Variants in KCNT1 observed in about 807,000 individuals in gnomAD.
KCNT1 encodes potassium sodium-activated channel subfamily T member 1.
A neutral mutation model predicts 147.8 loss-of-function variants in KCNT1; 78 were observed. That is an observed-to-expected ratio of 0.53 (90% CI 0.44 to 0.64). The LOEUF (loss-of-function observed/expected upper bound fraction) is 0.64, where lower values mean the gene tolerates loss of function less well. Among genes scored for constraint, KCNT1 ranks in the 30% least tolerant of loss-of-function variants. KCNT1 has a pLI of 0.00. For missense variants in KCNT1, 1,419 were observed against 1,750.3 expected (o/e 0.81, Z 3.38); for synonymous variants, 867 against 748.8 (o/e 1.16, Z -2.58).
At chr9:135,760,843 C>T (rs1831867597) in intron 11 of KCNT1, among the ~76,000 whole-genome samples, 1 of 152,228 alleles carries the variant, frequency 6.6e-6, no homozygotes, top group South Asian at 2.1e-4. Flanking sequence ...CTCCACCGTC[C>T]AGTGCCACGA....
intron 2 of KCNT1, among the ~76,000 whole-genome samples, chr9:135,732,299 A>G (rs888497130): frequency 1.3e-5 from 2 of 152,034 alleles, no homozygotes; most frequent in Non-Finnish European, 2.9e-5. Flanking sequence ...GATTACAGGC[A>G]TGAGCCACCG....
At chr9:135,738,789 C>G (rs907037638) in intron 2 of KCNT1, among the ~76,000 whole-genome samples, 1 of 152,200 alleles carries the variant, frequency 6.6e-6, no homozygotes, top group Non-Finnish European at 1.5e-5. Flanking sequence ...CCCACACAGT[C>G]CAGCTCCCCT....
At chr9:135,747,266 G>A (rs1347800241) in intron 2 of KCNT1, among the ~76,000 whole-genome samples, 2 of 152,088 alleles carry the variant, frequency 1.3e-5, no homozygotes, top group African/African-American at 2.4e-5. Context: ...AGGAGAGGGT[G>A]GGAGGCAGTA....
At chr9:135,783,343 G>A (rs1358620057) in intron 24 of KCNT1, among the ~76,000 whole-genome samples, 1 of 152,230 alleles carries the variant, frequency 6.6e-6, no homozygotes, top group Admixed American at 6.5e-5. Context: ...GGAGCCACAA[G>A]CCAAGGCAGG....
At chr9:135,741,247 A>G (rs572601176) in intron 2 of KCNT1, among the ~76,000 whole-genome samples, 2 of 152,328 alleles carry the variant, frequency 1.3e-5, no homozygotes, top group African/African-American at 4.8e-5. Flanking sequence ...AGCTAGGGCT[A>G]TATCGGGAGA....
chr9:135,778,993 CCT>C (rs1201537388), intron 23 of KCNT1, among the ~76,000 whole-genome samples, 171 bp downstream of exon 23: 40 of 147,660 alleles, frequency 2.7e-4, no homozygotes, highest in Non-Finnish European at 5.4e-4. Context: ...GGGCCCTCGC[CCT>C]GAGACCCCCA....
intron 12 of KCNT1, 85 bp downstream of exon 12, chr9:135,765,280 C>A: frequency 7.5e-7 from 1 of 1,339,110 alleles, no homozygotes; most frequent in East Asian, 2.3e-5. Flanking sequence ...CTTGGCAAGT[C>A]CCTGAGTCCT....
chr9:135,755,133 G>T lies in KCNT1; in HGVS notation c.504G>T (p.Leu168=). 6.2e-7 allele frequency: 1 copy of T among 1,612,232 alleles called. No homozygotes were observed. The highest frequency in any genetic ancestry group is 8.5e-7 in the Non-Finnish European group (1 of 1,179,030). The part of the protein sequence containing the change: ...SSSEINWAPI[L]WVERKMTLWA... ...TTTCTCTTCCCAGGGCTCCTATTCT[G>T]TGGGTGGAGAGAAAGATGACACTGT... Residue 168 remains leucine, a synonymous_variant, in exon 6 of 31, where the codon CTG becomes CTT. Transcript: ENST00000371757.
chr9:135,759,586 C>T (rs1588330372), intron 10 of KCNT1, 93 bp from the exon 11 acceptor site: 1 of 1,371,114 alleles, frequency 7.3e-7, no homozygotes, highest in Non-Finnish European at 9.8e-7. Context: ...GTCTCCTGGG[C>T]AGTGAGGGTC....
chr9:135,774,391 T>TTGTGTGTCCGTGTGTGTGTGG (rs1832987701), intron 19 of KCNT1, among the ~76,000 whole-genome samples: 1 of 143,404 alleles, frequency 7.0e-6, no homozygotes, highest in Non-Finnish European at 1.5e-5. Flanking sequence ...GTTGCGTATG[T>TTGTGTGTCCGTGTGTGTGTGG]TGTGTGTCCG....
At chr9:135,763,579 C>T (rs1450086096) in intron 11 of KCNT1, among the ~76,000 whole-genome samples, 1 of 152,152 alleles carries the variant, frequency 6.6e-6, no homozygotes, top group African/African-American at 2.4e-5. Flanking sequence ...ATGCCTCTCT[C>T]CAGCTTCTGG....
At chr9:135,763,479 T>C (rs1342588832) in intron 11 of KCNT1, among the ~76,000 whole-genome samples, 1 of 152,182 alleles carries the variant, frequency 6.6e-6, no homozygotes, top group African/African-American at 2.4e-5. Context: ...ACAGCAGATA[T>C]GTATCCTCCG....
intron 2 of KCNT1, among the ~76,000 whole-genome samples, chr9:135,745,764 G>C (rs965707664): frequency 6.6e-6 from 1 of 152,264 alleles, no homozygotes; most frequent in Non-Finnish European, 1.5e-5. Flanking sequence ...GGAACAGCCG[G>C]GCAGAGGAGC....
intron 1 of KCNT1, among the ~76,000 whole-genome samples, chr9:135,703,397 G>A (rs953317624): frequency 6.6e-6 from 1 of 152,340 alleles, no homozygotes; most frequent in African/African-American, 2.4e-5. Flanking sequence ...GAGGTAGGGC[G>A]GATGGTCTTT....
In KCNT1 at chr9:135,707,472, C is replaced by T. The variant is rs564521827; in HGVS notation, c.110+5104C>T. On this transcript the variant is annotated intron_variant, in intron 1 of 30. Coordinates refer to ENST00000371757, the MANE Select transcript of KCNT1 (RefSeq NM_020822.3). ...GCTGACGTGTGCAGTCACTAAGCAT[C>T]TCCCAGCAGCCACAGCGTGGCCGGG... is the stretch of plus-strand genomic sequence containing the variant. Among the ~76,000 whole-genome samples, 533 of 152,300 alleles carry T rather than the reference C, an allele frequency of 3.5e-3. 5 individuals are homozygous for T. The highest frequency in any genetic ancestry group is 0.014 in the Middle Eastern group (4 of 294).
Position 135,765,426 on chromosome 9 carries a change from AC to A in KCNT1, c.1201-194del, listed in dbSNP as rs1163743411. 2.0e-5 allele frequency among the ~76,000 whole-genome samples: 3 copies of A among 151,964 alleles called. No homozygotes were observed. In the East Asian group the frequency reaches 5.8e-4, roughly 30 times the overall value. The stretch of plus-strand genomic sequence containing the variant: ...CCCTGAGTCCTCTCAGCCTCAGTTT[AC>A]CCCTTCAGTGAGGGTGGCAGCCCAC... On this transcript the variant is annotated intron_variant, in intron 12 of 30. Transcript: ENST00000371757.
At chr9:135,713,424 C>A (rs1034022484) in intron 1 of KCNT1, among the ~76,000 whole-genome samples, 1 of 152,242 alleles carries the variant, frequency 6.6e-6, no homozygotes, top group African/African-American at 2.4e-5. Context: ...CCCATAGCTC[C>A]TTGCCTGCTG....
chr9:135,706,110 C>T (rs1461265716), intron 1 of KCNT1, among the ~76,000 whole-genome samples: 3 of 152,158 alleles, frequency 2.0e-5, no homozygotes, highest in South Asian at 4.1e-4. Flanking sequence ...TCAGCTCTGG[C>T]GAGTCACTTC....
At chr9:135,779,287 G>A in intron 23 of KCNT1, 72 bp from the exon 24 acceptor site, 1 of 822,994 alleles carries the variant, frequency 1.2e-6, no homozygotes, top group Non-Finnish European at 2.0e-6. Context: ...ACAGCCACAT[G>A]ATCATGGGCC....
Sources: gnomAD v4.1 joint callset for allele counts (sites outside exome capture counted in the v4.1 genomes callset) on GRCh38, gnomAD v4.1.1 for gene constraint, MANE v1.5 for transcripts, NCBI Gene and HGNC (gene_info 2026-07-23, HGNC 2026-07-21) for gene names.